The following RANBP2 variants were observed in gnomAD, a reference collection of about 807,000 sequenced individuals.
The protein encoded by RANBP2 is RAN binding protein 2.
In RANBP2, 57 loss-of-function variants were observed where a neutral mutation model predicts 303.6. That is an observed-to-expected ratio of 0.19 (90% CI 0.15 to 0.23). The LOEUF (loss-of-function observed/expected upper bound fraction) is 0.23. RANBP2 is among the 10% of genes least tolerant of loss of function. The pLI, the probability that RANBP2 is intolerant of heterozygous loss-of-function variation, is 1.00. For missense variants in RANBP2, 3,138 were observed against 3,780.8 expected, an observed-to-expected ratio of 0.83 and a Z score of 4.46; for synonymous variants, 1,167 against 1,301.5, an observed-to-expected ratio of 0.90 and a Z score of 2.23.
At chr2:109,016,524 G>A in the RANBP2 span, among the ~76,000 whole-genome samples, 2 of 152,342 alleles carry the variant, frequency 1.3e-5, no homozygotes, top group Admixed American at 6.5e-5. Flanking sequence ...CCAGTCGTGT[G>A]TGTTTAAAGG....
chr2:109,684,245 C>CTTTTTTTTTTT, the RANBP2 span, among the ~76,000 whole-genome samples: 17,812 of 86,976 alleles, frequency 0.2, 4,000 homozygotes, highest in Admixed American at 0.26. Flanking sequence ...CCCGGTCTTA[C>CTTTTTTTTTTT]TTTTTTTTTT....
the RANBP2 span, among the ~76,000 whole-genome samples, chr2:109,550,307 GT>G: frequency 1.3e-5 from 2 of 150,692 alleles, no homozygotes; most frequent in Non-Finnish European, 3.0e-5. Context: ...CAAAAAAAAA[GT>G]ATCTTTTTTT....
At chr2:109,016,461 G>C in the RANBP2 span, among the ~76,000 whole-genome samples, 1 of 152,188 alleles carries the variant, frequency 6.6e-6, no homozygotes, top group Non-Finnish European at 1.5e-5. Context: ...ACCAGAGGCA[G>C]AATGTGCTTC....
chr2:108,829,163 A>G, the RANBP2 span, among the ~76,000 whole-genome samples: 4 of 152,184 alleles, frequency 2.6e-5, no homozygotes, highest in Admixed American at 2.6e-4. Flanking sequence ...AAAATTAAAA[A>G]TGTTTGTGCA....
At chr2:109,729,849 C>T in the RANBP2 span, among the ~76,000 whole-genome samples, 8 of 152,162 alleles carry the variant, frequency 5.3e-5, no homozygotes, top group Admixed American at 5.2e-4. Flanking sequence ...TTAATTGACT[C>T]ATAGTTCCAC....
At chr2:108,759,320 A>G (rs1003957102) in intron 18 of RANBP2, among the ~76,000 whole-genome samples, 3 of 152,192 alleles carry the variant, frequency 2.0e-5, no homozygotes, top group Non-Finnish European at 4.4e-5. Context: ...AAGGTTAGGT[A>G]ACTTACTCAT....
At chr2:109,468,722 C>T in the RANBP2 span, among the ~76,000 whole-genome samples, 3 of 151,646 alleles carry the variant, frequency 2.0e-5, no homozygotes, top group East Asian at 5.8e-4. Context: ...GGCATGGTGG[C>T]GGGCACCTGT....
chr2:109,498,406 C>T, the RANBP2 span, among the ~76,000 whole-genome samples: 1 of 152,134 alleles, frequency 6.6e-6, no homozygotes, highest in Non-Finnish European at 1.5e-5. Flanking sequence ...GCCTGTGTGC[C>T]CAGGGGCTGT....
At chr2:109,388,075 A>T in the RANBP2 span, among the ~76,000 whole-genome samples, 1 of 151,868 alleles carries the variant, frequency 6.6e-6, no homozygotes, top group Non-Finnish European at 1.5e-5. Flanking sequence ...ACAACTCTTG[A>T]CCCCTGTGCA....
the RANBP2 span, among the ~76,000 whole-genome samples, chr2:109,116,974 C>T: frequency 6.6e-6 from 1 of 152,188 alleles, no homozygotes; most frequent in African/African-American, 2.4e-5. Context: ...ATGCTGCTGT[C>T]TGATTGTTCG....
the RANBP2 span, among the ~76,000 whole-genome samples, chr2:109,013,648 C>G: frequency 1.1e-3 from 159 of 150,542 alleles, no homozygotes; most frequent in African/African-American, 3.7e-3. Flanking sequence ...GGGGTGATCT[C>G]GGCTCACTGG....
the RANBP2 span, among the ~76,000 whole-genome samples, chr2:109,034,794 G>A: frequency 5.3e-5 from 8 of 152,176 alleles, no homozygotes; most frequent in Admixed American, 3.9e-4. Flanking sequence ...TGGGGGCTTA[G>A]GTAAAACCCC....
the RANBP2 span, among the ~76,000 whole-genome samples, chr2:109,023,502 G>A: frequency 2.0e-4 from 30 of 152,258 alleles, no homozygotes; most frequent in African/African-American, 6.7e-4. Flanking sequence ...ACGTCAGTAG[G>A]TACAACTGTT....
chr2:109,045,795 C>T, the RANBP2 span, among the ~76,000 whole-genome samples: 2 of 152,054 alleles, frequency 1.3e-5, no homozygotes, highest in Non-Finnish European at 2.9e-5. Flanking sequence ...CTCCTGAACA[C>T]ACAATTACCT....
chr2:109,740,238 C>T, the RANBP2 span, among the ~76,000 whole-genome samples: 76 of 151,956 alleles, frequency 5.0e-4, 1 homozygote, highest in South Asian at 9.8e-3. Context: ...CCGCCTGCCT[C>T]GGCCTCCCAA....
At chr2:108,799,936 C>A in the RANBP2 span, among the ~76,000 whole-genome samples, 7 of 151,964 alleles carry the variant, frequency 4.6e-5, no homozygotes, top group Non-Finnish European at 7.4e-5. Context: ...TTTAAAAATT[C>A]TAAAATTTCA....
chr2:109,340,456 A>C, the RANBP2 span, among the ~76,000 whole-genome samples: 2 of 152,202 alleles, frequency 1.3e-5, no homozygotes, highest in African/African-American at 4.8e-5. Context: ...CCCAAGGACC[A>C]TGCATTGGTT....
the RANBP2 span, among the ~76,000 whole-genome samples, chr2:109,482,835 G>T: frequency 1.3e-5 from 2 of 152,216 alleles, no homozygotes; most frequent in Non-Finnish European, 2.9e-5. Context: ...AAACAAGCTA[G>T]AGAAGCACAA....
chr2:108,720,738 TTTA>T (rs1694167212), intron 1 of RANBP2, among the ~76,000 whole-genome samples: 6 of 152,218 alleles, frequency 3.9e-5, no homozygotes, highest in Admixed American at 3.3e-4. Context: ...CAAGTCACTT[TTTA>T]TTGTTGATGT....
Sources: gnomAD v4.1 joint callset for allele counts (sites outside exome capture counted in the v4.1 genomes callset) on GRCh38, gnomAD v4.1.1 for gene constraint, MANE v1.5 for transcripts, NCBI Gene and HGNC (gene_info 2026-07-23, HGNC 2026-07-21) for gene names.